The following TTLL11 variants were observed in gnomAD, a reference collection of about 807,000 sequenced individuals.
TTLL11 encodes tubulin polyglutamylase TTLL11.
A neutral mutation model predicts 51.7 loss-of-function variants in TTLL11; 42 were observed. The ratio of observed to expected loss-of-function variants is 0.81; its 90% CI spans 0.64 to 1.05. The LOEUF is 1.05. Among genes scored for constraint, TTLL11 ranks in the 50% least tolerant of loss-of-function variants. The probability of loss-of-function intolerance (pLI) is 0.00; values close to 1 mark genes in which losing one functional copy is unlikely to be tolerated. For missense variants in TTLL11, 799 were observed against 940.4 expected (o/e 0.85, Z 1.97); for synonymous variants, 381 against 383.5 (o/e 0.99, Z 0.08).
intron 3 of TTLL11, among the ~76,000 whole-genome samples, chr9:121,996,021 C>T (rs992435516): frequency 1.3e-5 from 2 of 152,316 alleles, no homozygotes; most frequent in South Asian, 4.1e-4. Context: ...AAAATCTAAG[C>T]AGCAAAGAAA....
intron 3 of TTLL11, among the ~76,000 whole-genome samples, chr9:121,996,416 A>G (rs1171600450): frequency 2.0e-5 from 3 of 152,080 alleles, no homozygotes; most frequent in Non-Finnish European, 4.4e-5. Context: ...TATCTTCATG[A>G]CCAGCCCTTT....
At chr9:121,944,317 G>A (rs902391901) in intron 6 of TTLL11, among the ~76,000 whole-genome samples, 2 of 152,088 alleles carry the variant, frequency 1.3e-5, no homozygotes, top group African/African-American at 2.4e-5. Flanking sequence ...AGACCAGCCC[G>A]GCCAACATGA....
chr9:122,028,294 A>G (rs894778541), intron 3 of TTLL11, among the ~76,000 whole-genome samples: 19 of 152,162 alleles, frequency 1.2e-4, no homozygotes, highest in African/African-American at 4.6e-4. Context: ...CACAAATCAA[A>G]AGGCAGAGAC....
intron 4 of TTLL11, among the ~76,000 whole-genome samples, chr9:121,981,036 A>G (rs1842814955): frequency 6.6e-6 from 1 of 151,532 alleles, no homozygotes; most frequent in South Asian, 2.1e-4. Context: ...GTGTCTGTGC[A>G]TGTGTGTGTA....
chr9:121,983,416 C>T (rs575148680), intron 4 of TTLL11, among the ~76,000 whole-genome samples: 19 of 152,232 alleles, frequency 1.2e-4, no homozygotes, highest in Admixed American at 7.2e-4. Context: ...CAGCTATAGG[C>T]GCCAGTAGCG....
At chr9:121,864,983 G>A (rs1838135702) in intron 7 of TTLL11, among the ~76,000 whole-genome samples, 1 of 152,060 alleles carries the variant, frequency 6.6e-6, no homozygotes, top group Non-Finnish European at 1.5e-5. Flanking sequence ...ATTCTATAAT[G>A]TGAAAGCTAA....
At chr9:121,860,307 C>A (rs1191419035) in intron 8 of TTLL11, 30 bp downstream of exon 8, 1 of 1,525,100 alleles carries the variant, frequency 6.6e-7, no homozygotes, top group Non-Finnish European at 8.9e-7. Context: ...AGGACCCCCA[C>A]AGGCCATGGC....
At chr9:121,833,218 C>T (rs1423097732) in intron 8 of TTLL11, among the ~76,000 whole-genome samples, 3 of 152,174 alleles carry the variant, frequency 2.0e-5, no homozygotes, top group Non-Finnish European at 4.4e-5. Context: ...CTAGAGAAGG[C>T]AGCCTTCGAA....
intron 3 of TTLL11, among the ~76,000 whole-genome samples, chr9:121,999,889 A>C (rs1023268571): frequency 6.6e-6 from 1 of 152,216 alleles, no homozygotes; most frequent in South Asian, 2.1e-4. Context: ...CAGGATCTGA[A>C]CATGGGTGTG....
At chr9:121,877,708 A>G (rs1187425932) in intron 6 of TTLL11, among the ~76,000 whole-genome samples, 1 of 152,234 alleles carries the variant, frequency 6.6e-6, no homozygotes, top group Non-Finnish European at 1.5e-5. Context: ...ATTTAAAAAA[A>G]TTTAATCTTG....
At chr9:121,878,995 T>C (rs1838671861) in intron 6 of TTLL11, among the ~76,000 whole-genome samples, 1 of 152,200 alleles carries the variant, frequency 6.6e-6, no homozygotes, top group African/African-American at 2.4e-5. Flanking sequence ...ACAAGCTGTG[T>C]GACCTTGGGC....
intron 6 of TTLL11, among the ~76,000 whole-genome samples, chr9:121,880,240 T>A (rs993906363): frequency 3.3e-5 from 5 of 152,186 alleles, no homozygotes; most frequent in Non-Finnish European, 5.9e-5. Flanking sequence ...GTATAAGCCC[T>A]GCCTGCACCA....
rs534548497 is a variant in TTLL11 at position 121,962,713 on chromosome 9, T to A, written c.1481+11296A>T. ...ATTTTCTGTCTTGGACTCTCTCTTG[T>A]CTCATGTGAGATCCTGCTTTAAGTC... On this transcript the variant is annotated intron_variant, in intron 6 of 8. Transcript: ENST00000321582. Among the ~76,000 whole-genome samples, 25 of 152,368 alleles carry A rather than the reference T, an allele frequency of 1.6e-4. 1 individual carries two copies. The South Asian group carries it at 5.0e-3, about 30-fold the overall frequency.
intron 1 of TTLL11, among the ~76,000 whole-genome samples, chr9:122,072,889 C>T (rs528369031): frequency 1.3e-5 from 2 of 152,210 alleles, no homozygotes; most frequent in South Asian, 2.1e-4. Context: ...GGGAGCTCTC[C>T]GGGGAAGGGA....
intron 1 of TTLL11, among the ~76,000 whole-genome samples, chr9:122,072,409 T>G (rs546465118): frequency 6.6e-6 from 1 of 152,156 alleles, no homozygotes; most frequent in East Asian, 1.9e-4. Context: ...TTTGGGAGGC[T>G]GAGGTGGGTG....
In TTLL11 at chr9:122,031,705, G is replaced by A; in HGVS notation, c.693+18C>T. 6.2e-7 allele frequency: 1 copy of A among 1,611,020 alleles called. No individual in the cohort carries two copies. Among genetic ancestry groups the A allele is most frequent in the Non-Finnish European group, 8.5e-7 (1 of 1,179,272 alleles). The stretch of plus-strand genomic sequence containing the variant: ...GCATAATATAATTCAGGGGTCATGG[G>A]GACGGAGTGCCATCTACCTGAGCAA... On this transcript the variant is annotated intron_variant, in intron 3 of 8. Transcript: ENST00000321582.
intron 6 of TTLL11, among the ~76,000 whole-genome samples, chr9:121,942,149 C>T (rs1426095797): frequency 6.6e-6 from 1 of 152,202 alleles, no homozygotes; most frequent in Non-Finnish European, 1.5e-5. Context: ...ACCATTCCTG[C>T]TCTTGCCCAC....
intron 8 of TTLL11, among the ~76,000 whole-genome samples, chr9:121,835,671 C>A (rs1837161610): frequency 6.6e-6 from 1 of 152,220 alleles, no homozygotes; most frequent in Non-Finnish European, 1.5e-5. Context: ...GTGAAAGCAA[C>A]TCTTCTATCA....
chr9:121,832,243 G>C (rs1234644282), intron 8 of TTLL11, among the ~76,000 whole-genome samples: 3 of 151,928 alleles, frequency 2.0e-5, no homozygotes, highest in African/African-American at 7.3e-5. Flanking sequence ...CTAGCTCTTG[G>C]GGACACTCTC....
Sources: allele counts gnomAD v4.1 joint callset (sites outside exome capture counted in the v4.1 genomes callset), GRCh38; gene constraint gnomAD v4.1.1; transcripts MANE v1.5; gene names NCBI Gene and HGNC (gene_info 2026-07-23, HGNC 2026-07-21).